The following CBX1 variants were observed in gnomAD, a reference collection of about 807,000 sequenced individuals.
CBX1 encodes the protein chromobox protein homolog 1.
CBX1 carries 10 observed loss-of-function variants against 25.1 expected under a neutral mutation model. That is an observed-to-expected ratio of 0.40 (90% CI 0.25 to 0.68). The LOEUF (loss-of-function observed/expected upper bound fraction) is 0.68. Among genes scored for constraint, CBX1 ranks in the 30% least tolerant of loss-of-function variants. CBX1 has a pLI of 0.40. For synonymous variants in CBX1, 63 were observed against 79.4 expected, an observed-to-expected ratio of 0.79 and a Z score of 1.10; for missense variants, 106 against 218.5, an observed-to-expected ratio of 0.49 and a Z score of 3.25.
rs557186337 is a variant in CBX1 at position 48,095,829 on chromosome 17, G to A, written c.-38+5439C>T. The A allele has an allele frequency of 3.3e-5, 5 of 152,300 alleles. No homozygotes were observed. In the East Asian group the frequency reaches 9.6e-4, roughly 29 times the overall value. 9.4% of individuals were successfully genotyped at this position (152,300 alleles called of 1,614,324 possible). On this transcript the variant is annotated intron_variant, in intron 1 of 4. Coordinates refer to ENST00000225603, the MANE Select transcript of CBX1 (RefSeq NM_001127228.2). The stretch of plus-strand genomic sequence containing the variant: ...TTTGCGAAGCAAATGCTTTCCAGAT[G>A]GAAAACTTGACTAAGCAGAAAACAA...
chr17:48,101,064 C>T, intron 1 of CBX1: 3 of 986,036 alleles, frequency 3.0e-6, no homozygotes, highest in Non-Finnish European at 3.6e-6. Flanking sequence ...GCCCCGCCCT[C>T]TCCATCCTTC....
rs535232987 is a variant in CBX1, at chr17:48,080,906, C to T, written c.-37-3865G>A. Among the ~76,000 whole-genome samples the T allele has an allele frequency of 5.0e-3, 450 of 89,230 alleles. 2 individuals carry two copies. The highest frequency in any genetic ancestry group is 0.019 in the African/African-American group (421 of 22,294). The allele number at this position is 89,230 out of a possible 152,430, so 58.5% of individuals were successfully genotyped here. On this transcript the variant is annotated intron_variant, in intron 1 of 4. Transcript: ENST00000225603. ...ACTGCACTCCAGCCTGGTGACAGAGCGAGACTCCATCTCAAAAAAAAAAAA... is the reference window on the plus strand; with the variant it reads ...ACTGCACTCCAGCCTGGTGACAGAGTGAGACTCCATCTCAAAAAAAAAAAA...
At chr17:48,084,704 A>G (rs1470181549) in intron 1 of CBX1, among the ~76,000 whole-genome samples, 2 of 149,082 alleles carry the variant, frequency 1.3e-5, no homozygotes, top group African/African-American at 5.1e-5. Context: ...AGGTCAGGAG[A>G]TCGAGACCAT....
chr17:48,083,916 A>C (rs2037761740), intron 1 of CBX1, among the ~76,000 whole-genome samples: 1 of 150,690 alleles, frequency 6.6e-6, no homozygotes, highest in African/African-American at 2.5e-5. Flanking sequence ...TTTATCTGCA[A>C]AGTTTCACTG....
At chr17:48,085,891 A>G (rs958188292) in intron 1 of CBX1, among the ~76,000 whole-genome samples, 2 of 152,042 alleles carry the variant, frequency 1.3e-5, no homozygotes, top group Non-Finnish European at 2.9e-5. Context: ...ACGTGGCGAA[A>G]CCTCGTCTCT....
At chr17:48,075,936 G>A in intron 3 of CBX1, 65 bp downstream of exon 3, 2 of 1,308,312 alleles carry the variant, frequency 1.5e-6, no homozygotes, top group Non-Finnish European at 2.1e-6. Flanking sequence ...GGAAGAAGCA[G>A]AACAAAACTA....
chr17:48,078,003 A>C (rs1261554805), intron 1 of CBX1, among the ~76,000 whole-genome samples: 2 of 152,018 alleles, frequency 1.3e-5, no homozygotes, highest in Non-Finnish European at 2.9e-5. Context: ...AAAATACAAA[A>C]ATTAGCCAGT....
intron 1 of CBX1, among the ~76,000 whole-genome samples, chr17:48,079,214 T>C (rs2037709029): frequency 6.6e-6 from 1 of 152,172 alleles, no homozygotes; most frequent in Non-Finnish European, 1.5e-5. Context: ...CAAGTGATTC[T>C]TTTGCCTCAG....
chr17:48,100,883 T>TCC (rs2063405594), intron 1 of CBX1: 2 of 985,572 alleles, frequency 2.0e-6, no homozygotes, highest in African/African-American at 1.7e-5. Context: ...CCTCGGGTTG[T>TCC]GCGGTCGTAT....
At chr17:48,089,772 G>C (rs901602222) in intron 1 of CBX1, among the ~76,000 whole-genome samples, 15 of 150,568 alleles carry the variant, frequency 1.0e-4, no homozygotes, top group Non-Finnish European at 1.9e-4. Flanking sequence ...GTAGTGGGCC[G>C]AGATCGTGTC....
intron 1 of CBX1, among the ~76,000 whole-genome samples, chr17:48,079,908 G>A (rs1316870393): frequency 2.6e-5 from 4 of 152,168 alleles, no homozygotes; most frequent in Admixed American, 6.6e-5. Context: ...CAGAACTGTA[G>A]TTATCAAAGA....
intron 1 of CBX1, among the ~76,000 whole-genome samples, chr17:48,078,961 TG>T (rs1258178672): frequency 2.1e-5 from 3 of 145,538 alleles, no homozygotes. Flanking sequence ...GGCTAATTTT[TG>T]TATTTTTAGC....
intron 1 of CBX1, among the ~76,000 whole-genome samples, chr17:48,095,332 G>C (rs1212706455): frequency 6.6e-6 from 1 of 152,184 alleles, no homozygotes. Flanking sequence ...GCTCACGCCT[G>C]TAATCCCAGC....
Position 48,078,463 on chromosome 17 carries a change from A to G in CBX1, c.-37-1422T>C, listed in dbSNP as rs112474677. Among the ~76,000 whole-genome samples the G allele has an allele frequency of 3.3e-3, 498 of 151,856 alleles. 7 individuals carry two copies. The highest frequency in any genetic ancestry group is 0.012 in the African/African-American group (486 of 41,394). On this transcript the variant is annotated intron_variant, in intron 1 of 4. Transcript: ENST00000225603. ...TGCCTCGGCCTCCCAAAGTGCTGGGATTACAGAGCTGAGCCACCATGCCCA... is the reference window on the plus strand; with the variant it reads ...TGCCTCGGCCTCCCAAAGTGCTGGGGTTACAGAGCTGAGCCACCATGCCCA...
intron 1 of CBX1, among the ~76,000 whole-genome samples, chr17:48,077,829 T>C (rs768043927): frequency 6.6e-6 from 1 of 151,870 alleles, no homozygotes; most frequent in Non-Finnish European, 1.5e-5. Flanking sequence ...AAAAAAACCG[T>C]TGTAAAAGAG....
chr17:48,087,758 G>C (rs889998198), intron 1 of CBX1, among the ~76,000 whole-genome samples: 3 of 151,546 alleles, frequency 2.0e-5, no homozygotes, highest in African/African-American at 7.3e-5. Context: ...TGTAGTCCTA[G>C]CTACTTGGGA....
intron 1 of CBX1, among the ~76,000 whole-genome samples, chr17:48,092,050 G>C (rs111228568): frequency 0.012 from 1,547 of 129,932 alleles, 13 homozygotes; most frequent in Middle Eastern, 0.049. Flanking sequence ...GAATACAATG[G>C]TGCCATCTTG....
At chr17:48,096,288 T>C (rs750339981) in intron 1 of CBX1, 3 of 925,704 alleles carry the variant, frequency 3.2e-6, no homozygotes, top group Non-Finnish European at 3.9e-6. Context: ...GTTCTGAAAC[T>C]TGGAAAACCC....
intron 1 of CBX1, among the ~76,000 whole-genome samples, chr17:48,099,480 C>G (rs953834888): frequency 1.8e-4 from 28 of 152,104 alleles, no homozygotes; most frequent in African/African-American, 6.0e-4. Context: ...CAGGGAAAAC[C>G]GTAAACGACT....
Sources: gnomAD v4.1 joint callset for allele counts (sites outside exome capture counted in the v4.1 genomes callset) on GRCh38, gnomAD v4.1.1 for gene constraint, MANE v1.5 for transcripts, NCBI Gene and HGNC (gene_info 2026-07-23, HGNC 2026-07-21) for gene names.